Variants in VPS16 observed in about 807,000 individuals in gnomAD.
VPS16 encodes VPS16 core subunit of CORVET and HOPS complexes, also known as vacuolar protein sorting-associated protein 16 homolog.
A neutral mutation model predicts 116.0 loss-of-function variants in VPS16; 82 were observed. That is an observed-to-expected ratio of 0.71 (90% CI 0.59 to 0.85). VPS16 has a LOEUF of 0.85. Ranked by LOEUF, VPS16 falls within the 40% of genes least tolerant of loss-of-function variation. The pLI, the probability that VPS16 is intolerant of heterozygous loss-of-function variation, is 0.00. For synonymous variants in VPS16, 406 were observed against 420.7 expected (o/e 0.96, Z 0.43); for missense variants, 928 against 1,090.6 (o/e 0.85, Z 2.10).
At position 2,866,620 on chromosome 20, in the gene VPS16, C is replaced by T. The variant is rs760344793; in HGVS notation, c.*46C>T. On this transcript the variant is annotated 3_prime_UTR_variant, in exon 24 of 24. Transcript: ENST00000380445. Reference sequence around the variant, plus strand: ...CAAGCAAGGGGTTCCTCCCCTAGCACCTGGGCTTGGCAGAAGGGCCATAGT... The same window carrying T: ...CAAGCAAGGGGTTCCTCCCCTAGCATCTGGGCTTGGCAGAAGGGCCATAGT... 66 of 1,606,392 alleles carry T rather than the reference C, an allele frequency of 4.1e-5. 1 individual carries two copies. The South Asian group carries it at 5.2e-4, about 13-fold the overall frequency.
chr20:2,866,275 G>A lies in VPS16; in HGVS notation c.2335G>A (p.Val779Met), dbSNP rs776564660. Reference protein sequence around the residue: ...KYEAKKYASRVGPEQKVKALL... With the variant: ...KYEAKKYASRMGPEQKVKALL... ...CGAAGCCAAGAAGTATGCTTCCCGC[G>A]TGGGTCCCGAGCAGAAGGTCAAGGC... Residue 779 changes from valine to methionine, a missense_variant, in exon 23 of 24, where the codon GTG becomes ATG. Physicochemically the swap from Val to Met is conservative, Grantham distance 21 (BLOSUM62 1). Coordinates refer to ENST00000380445, the MANE Select transcript of VPS16 (RefSeq NM_022575.4). The A allele has an allele frequency of 1.1e-5, 18 of 1,613,994 alleles. No homozygotes were observed. The highest frequency in any genetic ancestry group is 1.6e-4 in the Middle Eastern group (1 of 6,084).
At chr20:2,859,530 A>G (rs1018796477) in intron 1 of VPS16, among the ~76,000 whole-genome samples, 189 bp from the exon 2 acceptor site, 3 of 152,134 alleles carry the variant, frequency 2.0e-5, no homozygotes, top group African/African-American at 7.2e-5. Flanking sequence ...TGCTGTCCCT[A>G]GACATGCATG....
At chr20:2,854,629 A>G (rs954316775) in intron 1 of VPS16, among the ~76,000 whole-genome samples, 3 of 151,368 alleles carry the variant, frequency 2.0e-5, no homozygotes, top group African/African-American at 7.3e-5. Context: ...CCCTGTCTCT[A>G]CTAAAGAAAT....
Position 2,865,072 on chromosome 20 carries a change from T to C in VPS16, c.2004+17T>C, listed in dbSNP as rs771160157. ...GCAGCCAAGGTTTGGCCCACCTTTTTCCAAGAGCCTCCTCGTCTCCTGGTC... is the reference window on the plus strand; with the variant it reads ...GCAGCCAAGGTTTGGCCCACCTTTTCCCAAGAGCCTCCTCGTCTCCTGGTC... On this transcript the variant is annotated intron_variant, in intron 20 of 23. Transcript: ENST00000380445. The surrounding 1 kb of genome is among the most constrained non-coding windows in gnomAD (Gnocchi z 5.2). The C allele has an allele frequency of 1.9e-6, 3 of 1,614,132 alleles. No homozygotes were observed. Among genetic ancestry groups the C allele is most frequent in the Admixed American group, 3.3e-5 (2 of 60,014 alleles).
intron 9 of VPS16, 34 bp downstream of exon 9, chr20:2,861,738 G>C (rs367669639): frequency 1.2e-6 from 2 of 1,610,968 alleles, no homozygotes; most frequent in African/African-American, 1.3e-5. Flanking sequence ...TGTGGAGAGA[G>C]GGGAGGGGAG....
intron 12 of VPS16, 45 bp from the exon 13 acceptor site, chr20:2,862,762 G>A: frequency 6.2e-7 from 1 of 1,612,544 alleles, no homozygotes; most frequent in Non-Finnish European, 8.5e-7. Flanking sequence ...GGGGTGGGAT[G>A]GGCAGCAGGG....
intron 1 of VPS16, among the ~76,000 whole-genome samples, chr20:2,844,085 G>A (rs1050377360): frequency 1.3e-5 from 2 of 152,218 alleles, no homozygotes; most frequent in Non-Finnish European, 2.9e-5. Context: ...AGTGGAGTCA[G>A]GCTTTGAACC....
At chr20:2,866,178 A>G (rs1600016808) in intron 22 of VPS16, 34 bp from the exon 23 acceptor site, 2 of 1,594,072 alleles carry the variant, frequency 1.3e-6, no homozygotes, top group African/African-American at 2.7e-5. Flanking sequence ...GCTGTGCATT[A>G]CCTTCTCCCT....
rs1474430073 is a variant in VPS16 at position 2,866,258 on chromosome 20, A to G, written c.2318A>G (p.Lys773Arg). The G allele has an allele frequency of 3.7e-6, 6 of 1,614,044 alleles. No homozygotes were observed. The African/African-American group carries it at 6.7e-5, about 18-fold the overall frequency. ...AAACAACATAACAAATACGAAGCCA[A>G]GAAGTATGCTTCCCGCGTGGGTCCC... is the stretch of plus-strand genomic sequence containing the variant. ...CMKQHNKYEAKKYASRVGPEQ... is the reference protein window; with the variant it reads ...CMKQHNKYEARKYASRVGPEQ... Residue 773 changes from lysine to arginine, a missense_variant, in exon 23 of 24, where the codon AAG (lysine) becomes AGG (arginine). By Grantham distance (26) the Lys-to-Arg change is conservative. Coordinates refer to ENST00000380445, the MANE Select transcript of VPS16 (RefSeq NM_022575.4).
In VPS16 at chr20:2,842,662, A is replaced by ATATATATAGATACATC. The variant is rs2088994827; in HGVS notation, c.53+1837_53+1838insTATATAGATACATCTA. 8.5e-5 allele frequency among the ~76,000 whole-genome samples: 8 copies of ATATATATAGATACATC among 93,832 alleles called. No individual in the cohort carries two copies. The South Asian group carries it at 2.0e-3, about 23-fold the overall frequency. The allele number at this position is 93,832 out of a possible 152,430, so 61.6% of individuals were successfully genotyped here. On this transcript the variant is annotated intron_variant, in intron 1 of 23. Transcript: ENST00000380445. Reference sequence around the variant, plus strand: ...TAGATAGATAGATATAGATAGATATATAGATGTATCTATATATATATAGAT... The same window carrying ATATATATAGATACATC: ...TAGATAGATAGATATAGATAGATATATATATATAGATACATCTAGATGTATCTATATATATATAGAT...
intron 11 of VPS16, 117 bp downstream of exon 11, chr20:2,862,247 C>T: frequency 7.8e-7 from 1 of 1,286,414 alleles, no homozygotes; most frequent in Non-Finnish European, 1.1e-6. Flanking sequence ...GGACACTGGT[C>T]TGGGCTGGGG....
At chr20:2,842,711 G>GATACATCTAGATGTATCTATATATAT (rs2089000247) in intron 1 of VPS16, among the ~76,000 whole-genome samples, 2 of 75,932 alleles carry the variant, frequency 2.6e-5, no homozygotes, top group South Asian at 4.3e-4. Context: ...TCTATATATA[G>GATACATCTAGATGTATCTATATATAT]ATAGACATAT....
At chr20:2,853,078 A>G (rs2089137444) in intron 1 of VPS16, among the ~76,000 whole-genome samples, 1 of 152,204 alleles carries the variant, frequency 6.6e-6, no homozygotes, top group Non-Finnish European at 1.5e-5. Flanking sequence ...AGTGTTCACA[A>G]TAGTAGATGC....
intron 1 of VPS16, among the ~76,000 whole-genome samples, chr20:2,844,260 T>TCCCTA (rs2089037168): frequency 6.6e-6 from 1 of 152,250 alleles, no homozygotes; most frequent in African/African-American, 2.4e-5. Context: ...TAGGCAGGAC[T>TCCCTA]TGATACATGT....
At position 2,864,936 on chromosome 20, in the gene VPS16, C is replaced by G. The variant is rs2089304062; in HGVS notation, c.1927-42C>G. Reference sequence around the variant, plus strand: ...TAGCCTGGGTGAGGAGGGCGAGGGTCCTGCATGCTGTGAGTTCAGGCCTTC... The same window carrying G: ...TAGCCTGGGTGAGGAGGGCGAGGGTGCTGCATGCTGTGAGTTCAGGCCTTC... On this transcript the variant is annotated intron_variant, in intron 19 of 23. Transcript: ENST00000380445. This position sits in a 1 kb window ranked among gnomAD's most constrained non-coding sequence, Gnocchi z 5.2. 6.2e-7 allele frequency: 1 copy of G among 1,612,662 alleles called. No individual in the cohort carries two copies. Among genetic ancestry groups the G allele is most frequent in the Non-Finnish European group, 8.5e-7 (1 of 1,179,070 alleles).
intron 1 of VPS16, among the ~76,000 whole-genome samples, chr20:2,843,448 G>A (rs1371713918): frequency 6.6e-6 from 1 of 150,788 alleles, no homozygotes; most frequent in Non-Finnish European, 1.5e-5. Flanking sequence ...AAAAAAAAAA[G>A]AAAAGAAATA....
rs1348549894 is a variant in VPS16 at position 2,865,778 on chromosome 20, T to C, written c.2271+283T>C. 1 of 506,196 alleles carries C rather than the reference T, an allele frequency of 2.0e-6. No individual in the cohort carries two copies. The highest frequency in any genetic ancestry group is 3.6e-6 in the Non-Finnish European group (1 of 281,540). 31.4% of individuals were successfully genotyped at this position (506,196 alleles called of 1,614,324 possible). A position where few individuals can be genotyped will look rare whatever the true frequency, so the allele number is the denominator to read the frequency against. ...GCACTATGTGCTAGAGGGAAAGTCT[T>C]GTCTGAGGAGGGTGGAGGGGGCACA... On this transcript the variant is annotated intron_variant, in intron 22 of 23. Transcript: ENST00000380445. The surrounding 1 kb of genome is among the most constrained non-coding windows in gnomAD (Gnocchi z 5.2).
rs772563899 is a variant in VPS16 at position 2,865,229 on chromosome 20, C to A, written c.2086C>A (p.Leu696Ile). 1.2e-6 allele frequency: 2 copies of A among 1,614,208 alleles called. No individual in the cohort carries two copies. Among genetic ancestry groups the A allele is most frequent in the South Asian group, 2.2e-5 (2 of 91,082 alleles). ...GGGGGGCCAGTTCCTAGACCTGTCTCTACATGACACAGTTACCACCCTCAT... is the reference window on the plus strand; with the variant it reads ...GGGGGGCCAGTTCCTAGACCTGTCTATACATGACACAGTTACCACCCTCAT... ...ELGGQFLDLS[L>I]HDTVTTLILG... The change falls in exon 21 of 24, where the codon CTA (leucine) becomes ATA (isoleucine). Residue 696 changes from leucine (L) to isoleucine (I), a missense_variant. Coordinates refer to ENST00000380445, the MANE Select transcript of VPS16 (RefSeq NM_022575.4). This position sits in a 1 kb window ranked among gnomAD's most constrained non-coding sequence, Gnocchi z 5.2.
chr20:2,859,800 C>A lies in VPS16; in HGVS notation c.135C>A (p.Gly45=). 3 of 1,609,280 alleles carry A rather than the reference C, an allele frequency of 1.9e-6. No homozygotes were observed. In the South Asian group the frequency reaches 3.3e-5, roughly 18 times the overall value. The change falls in exon 2 of 24, where the codon GGC becomes GGA. Residue 45 remains glycine (G), a synonymous_variant. Coordinates refer to ENST00000380445, the MANE Select transcript of VPS16 (RefSeq NM_022575.4). ...DCLVAAAPYG[G]PIALLRNPWR... ...TGGTGGCTGCTGCACCCTATGGGGG[C>A]CCCATTGGTATGTTGCCCCTCCACC...
Sources: allele counts gnomAD v4.1 joint callset (sites outside exome capture counted in the v4.1 genomes callset), GRCh38; gene constraint gnomAD v4.1.1; non-coding constraint Gnocchi (gnomAD v3.1); transcripts MANE v1.5; gene names NCBI Gene and HGNC (gene_info 2026-07-23, HGNC 2026-07-21).